The following RARB variants were observed in gnomAD, a reference collection of about 807,000 sequenced individuals.
RARB encodes HBV-activated protein.
Under a neutral mutation model 51.9 loss-of-function variants are expected in RARB, and 17 were observed. That is an observed-to-expected ratio of 0.33 (90% CI 0.22 to 0.49). The LOEUF (loss-of-function observed/expected upper bound fraction) is 0.49. Ranked by LOEUF, RARB falls within the 20% of genes least tolerant of loss-of-function variation. The pLI, the probability that RARB is intolerant of heterozygous loss-of-function variation, is 0.99. For missense variants in RARB, 369 were observed against 550.8 expected, an observed-to-expected ratio of 0.67 and a Z score of 3.30; for synonymous variants, 215 against 195.4, an observed-to-expected ratio of 1.10 and a Z score of -0.84.
chr3:25,199,857 C>G (rs1328378896), intron 5 of RARB, among the ~76,000 whole-genome samples: 2 of 152,076 alleles, frequency 1.3e-5, no homozygotes, highest in Non-Finnish European at 2.9e-5. Context: ...GTTGGACATT[C>G]AGGTTGGTTC....
At chr3:24,930,803 G>T (rs1322496524) in intron 2 of RARB, among the ~76,000 whole-genome samples, 1 of 152,092 alleles carries the variant, frequency 6.6e-6, no homozygotes, top group African/African-American at 2.4e-5. Context: ...GAGGCCAGGA[G>T]TTAGAGACCA....
intron 2 of RARB, among the ~76,000 whole-genome samples, chr3:24,936,879 G>A (rs571996749): frequency 1.1e-4 from 16 of 152,200 alleles, no homozygotes; most frequent in Middle Eastern, 3.4e-3. Flanking sequence ...AATGGTCTCC[G>A]GTTAATTAAA....
chr3:25,235,783 A>T (rs1194004330), intron 5 of RARB, among the ~76,000 whole-genome samples: 4 of 152,168 alleles, frequency 2.6e-5, no homozygotes, highest in Non-Finnish European at 5.9e-5. Context: ...TTCTTTGACT[A>T]TTACTCACTT....
In RARB at chr3:25,597,436, A is replaced by AATG. The variant is rs1207027410; in HGVS notation, c.*823_*825dup. ...TAGTTAAAAAAAATTTTTTTACAGT[A>AATG]ATGATAGCCTCCAAGGCAGAAACAC... On this transcript the variant is annotated 3_prime_UTR_variant, in exon 8 of 8. Transcript: ENST00000330688. 6.6e-6 allele frequency: 1 copy of AATG among 152,540 alleles called. No individual in the cohort carries two copies. Among genetic ancestry groups the AATG allele is most frequent in the Non-Finnish European group, 1.5e-5 (1 of 67,970 alleles). The allele number at this position is 152,540 out of a possible 1,614,324, so 9.4% of individuals were successfully genotyped here.
At chr3:24,905,916 C>T (rs542323131) in intron 2 of RARB, among the ~76,000 whole-genome samples, 208 of 152,274 alleles carry the variant, frequency 1.4e-3, no homozygotes, top group African/African-American at 4.9e-3. Flanking sequence ...GTAATTAAGA[C>T]TTGAGGTTTT....
chr3:24,963,411 C>A (rs1024461369), intron 2 of RARB, among the ~76,000 whole-genome samples: 1 of 136,366 alleles, frequency 7.3e-6, no homozygotes, highest in Non-Finnish European at 1.6e-5. Context: ...CTAATGGCTT[C>A]CCATCCTTGT....
At chr3:24,873,328 G>T (rs555480131) in intron 2 of RARB, among the ~76,000 whole-genome samples, 1 of 151,788 alleles carries the variant, frequency 6.6e-6, no homozygotes, top group Admixed American at 6.6e-5. Flanking sequence ...ATTTAACTTC[G>T]TTAATGGTTA....
chr3:25,504,241 G>C (rs528278180), intron 3 of RARB, among the ~76,000 whole-genome samples: 221 of 152,300 alleles, frequency 1.5e-3, no homozygotes, highest in Non-Finnish European at 2.3e-3. Flanking sequence ...GATTTTTGCT[G>C]TGCTGGCTTC....
intron 1 of RARB, among the ~76,000 whole-genome samples, chr3:24,842,147 G>C (rs930058170): frequency 5.3e-5 from 8 of 152,082 alleles, no homozygotes; most frequent in African/African-American, 1.9e-4. Flanking sequence ...GCCCAAGACA[G>C]GCTACAGTTA....
At chr3:24,960,455 G>A (rs532132126) in intron 2 of RARB, among the ~76,000 whole-genome samples, 12 of 152,166 alleles carry the variant, frequency 7.9e-5, no homozygotes, top group Non-Finnish European at 1.8e-4. Context: ...TTTCAATTGA[G>A]CAGACATCCT....
chr3:24,899,247 G>A (rs181777222), intron 2 of RARB, among the ~76,000 whole-genome samples: 17 of 152,222 alleles, frequency 1.1e-4, no homozygotes, highest in Admixed American at 8.5e-4. Flanking sequence ...CTGTGTGACC[G>A]CACAGATCAC....
intron 1 of RARB, among the ~76,000 whole-genome samples, chr3:24,853,015 C>T (rs542320603): frequency 5.9e-4 from 90 of 152,148 alleles, no homozygotes; most frequent in African/African-American, 2.1e-3. Context: ...AATAATGCTG[C>T]TTTTAAAATA....
At chr3:25,181,569 C>T (rs1700862022) in intron 5 of RARB, among the ~76,000 whole-genome samples, 1 of 152,116 alleles carries the variant, frequency 6.6e-6, no homozygotes, top group Non-Finnish European at 1.5e-5. Flanking sequence ...GCGATAGTTG[C>T]AAATAATAAA....
At chr3:25,429,215 A>G (rs1708105564) in intron 1 of RARB, among the ~76,000 whole-genome samples, 2 of 152,206 alleles carry the variant, frequency 1.3e-5, no homozygotes, top group Non-Finnish European at 2.9e-5. Flanking sequence ...ACATTCTTCA[A>G]GTAGGGCAAT....
rs183576065 is a variant in RARB at position 25,500,074 on chromosome 3, C to G, written c.307-1108C>G. 3.9e-5 allele frequency among the ~76,000 whole-genome samples: 6 copies of G among 152,216 alleles called. No homozygotes were observed. In the South Asian group the frequency reaches 1.2e-3, roughly 32 times the overall value. On this transcript the variant is annotated intron_variant, in intron 2 of 7. Coordinates refer to ENST00000330688, the MANE Select transcript of RARB (RefSeq NM_000965.5). ...GTCAGTGCTGTAGTACATTACTACC[C>G]GGTAACGCTTTCTGCAATGATGAAA...
At chr3:25,007,582 G>A (rs566616695) in intron 2 of RARB, among the ~76,000 whole-genome samples, 19 of 28,980 alleles carry the variant, frequency 6.6e-4, no homozygotes, top group African/African-American at 4.8e-3. Context: ...GCAACAGAGT[G>A]AGACTGTCTC....
intron 3 of RARB, among the ~76,000 whole-genome samples, chr3:25,545,133 T>C (rs905571669): frequency 2.0e-5 from 3 of 152,024 alleles, no homozygotes; most frequent in African/African-American, 7.2e-5. Flanking sequence ...TTAGTAGAGA[T>C]GGGGTTTTAC....
chr3:25,067,135 GGGTGA>G (rs1698679400), intron 3 of RARB, among the ~76,000 whole-genome samples: 1 of 152,158 alleles, frequency 6.6e-6, no homozygotes, highest in South Asian at 2.1e-4. Context: ...GGCTGATCAC[GGGTGA>G]GCACCTGGTT....
chr3:24,837,843 G>C (rs531930322), intron 1 of RARB, among the ~76,000 whole-genome samples: 1 of 152,252 alleles, frequency 6.6e-6, no homozygotes, highest in South Asian at 2.1e-4. Context: ...GGTCACCAGT[G>C]GCCATGAAGC....
Sources: allele counts gnomAD v4.1 joint callset (sites outside exome capture counted in the v4.1 genomes callset), GRCh38; gene constraint gnomAD v4.1.1; transcripts MANE v1.5; gene names NCBI Gene and HGNC (gene_info 2026-07-23, HGNC 2026-07-21).